MTMR10: variants seen among roughly 807,000 people sequenced by gnomAD.
MTMR10 encodes the protein myotubularin-related protein 10.
A neutral mutation model predicts 88.1 loss-of-function variants in MTMR10; 56 were observed. The observed-to-expected ratio is 0.64, with a 90% CI of 0.51 to 0.79. MTMR10 has a LOEUF of 0.79. MTMR10 is among the 30% of genes least tolerant of loss of function. The pLI is 0.00. For missense variants in MTMR10, 883 were observed against 924.7 expected (o/e 0.95, Z 0.58); for synonymous variants, 380 against 340.9 (o/e 1.11, Z -1.26).
chr15:30,948,240 T>G, intron 13 of MTMR10, 62 bp downstream of exon 13: 1 of 1,461,662 alleles, frequency 6.8e-7, no homozygotes, highest in East Asian at 2.3e-5. Flanking sequence ...CATCTTTTAA[T>G]GACACAAATT....
At chr15:30,948,755 C>A in intron 12 of MTMR10, 1 of 466,512 alleles carries the variant, frequency 2.1e-6, no homozygotes, top group Non-Finnish European at 3.8e-6. Context: ...GGTAGAAAAT[C>A]CGTCTAGACT....
chr15:30,926,231 C>A, the MTMR10 span, among the ~76,000 whole-genome samples: 1 of 152,224 alleles, frequency 6.6e-6, no homozygotes, highest in Non-Finnish European at 1.5e-5. Flanking sequence ...ACAGTGTGCT[C>A]AACCCCACGG....
intron 13 of MTMR10, among the ~76,000 whole-genome samples, chr15:30,947,703 A>G (rs975076825): frequency 2.0e-5 from 3 of 152,164 alleles, no homozygotes; most frequent in African/African-American, 7.2e-5. Context: ...AAACATCCCC[A>G]TATTTCAGAA....
chr15:30,919,735 A>AT, the MTMR10 span, among the ~76,000 whole-genome samples: 1 of 151,758 alleles, frequency 6.6e-6, no homozygotes, highest in African/African-American at 2.4e-5. Flanking sequence ...GAGAAAACAT[A>AT]TTTACTGTTC....
At chr15:30,973,066 G>A (rs1270259000) in intron 5 of MTMR10, among the ~76,000 whole-genome samples, 1 of 152,086 alleles carries the variant, frequency 6.6e-6, no homozygotes, top group East Asian at 1.9e-4. Context: ...ATAAGCTTGA[G>A]GAATTAACCT....
chr15:30,974,380 A>C lies in MTMR10; in HGVS notation c.408T>G (p.Ile136Met), dbSNP rs764436221. The C allele has an allele frequency of 1.9e-5, 30 of 1,609,076 alleles. No homozygotes were observed. The Admixed American group carries it at 5.0e-4, about 27-fold the overall frequency. The stretch of plus-strand genomic sequence containing the variant: ...TGACAATTCTGAAATCTTTACAATA[A>C]ATAATTAACTCTGTTGGATTAAATT... Reference protein sequence around the residue: ...KLKFNPTELIIYCKDFRIVRF... With the variant: ...KLKFNPTELIMYCKDFRIVRF... The change falls in exon 5 of 16, where the codon ATT (isoleucine) becomes ATG (methionine). Residue 136 changes from isoleucine (I) to methionine (M), a missense_variant. Around this residue, in one of 3 missense-constraint regions of MTMR10, gnomAD observed 414 missense variants for 423.2 expected, o/e 0.98. Transcript: ENST00000435680.
At chr15:30,952,073 C>G (rs943087406) in intron 11 of MTMR10, 35 bp from the exon 12 acceptor site, 14 of 1,525,196 alleles carry the variant, frequency 9.2e-6, no homozygotes, top group Admixed American at 3.4e-5. Flanking sequence ...TGTTAAAAAT[C>G]AAATTTCCAC....
At chr15:30,956,019 T>C (rs1173176584) in intron 9 of MTMR10, among the ~76,000 whole-genome samples, 5 of 145,982 alleles carry the variant, frequency 3.4e-5, no homozygotes, top group African/African-American at 1.0e-4. Flanking sequence ...TTTTCCTGAA[T>C]AGAAAAAGTA....
chr15:30,937,474 C>T (rs1364569032), downstream of MTMR10, among the ~76,000 whole-genome samples: 4 of 111,582 alleles, frequency 3.6e-5, no homozygotes, highest in East Asian at 8.3e-4. Context: ...TTTTTTGAGA[C>T]AGAGTCTCGC....
intron 5 of MTMR10, among the ~76,000 whole-genome samples, chr15:30,968,577 A>ACACACACACACACACACACAC (rs1566960338): frequency 4.7e-5 from 7 of 149,288 alleles, no homozygotes; most frequent in African/African-American, 1.7e-4. Flanking sequence ...ACACACACAC[A>ACACACACACACACACACACAC]AACTGTGTTT....
downstream of MTMR10, chr15:30,937,288 A>G (rs1208089815): frequency 1.9e-6 from 3 of 1,582,030 alleles, no homozygotes; most frequent in African/African-American, 2.7e-5. Context: ...TTGGTCATAC[A>G]TTAATGTAAG....
chr15:30,981,299 A>C (rs1566968213), intron 2 of MTMR10, among the ~76,000 whole-genome samples: 1 of 152,264 alleles, frequency 6.6e-6, no homozygotes, highest in Non-Finnish European at 1.5e-5. Context: ...GTTTCTAACA[A>C]ACAGTACAGA....
chr15:30,922,966 C>T, the MTMR10 span, among the ~76,000 whole-genome samples: 2 of 152,224 alleles, frequency 1.3e-5, no homozygotes, highest in Non-Finnish European at 2.9e-5. Context: ...AGAGCCTGTG[C>T]CTGTGGGCTA....
chr15:30,925,794 C>T, the MTMR10 span: 1 of 1,614,118 alleles, frequency 6.2e-7, no homozygotes. Context: ...TTCAGGTGAC[C>T]ATCACAGGCA....
chr15:30,959,365 G>A (rs2063370783), intron 7 of MTMR10, among the ~76,000 whole-genome samples: 1 of 152,138 alleles, frequency 6.6e-6, no homozygotes, highest in Admixed American at 6.5e-5. Flanking sequence ...GAAGGTATTA[G>A]AAATATTTTC....
chr15:30,947,899 G>A (rs1021240792), intron 13 of MTMR10, among the ~76,000 whole-genome samples: 5 of 152,162 alleles, frequency 3.3e-5, no homozygotes, highest in Middle Eastern at 3.2e-3. Context: ...CTAGAGATCC[G>A]AGGCAGCCAC....
intron 2 of MTMR10, among the ~76,000 whole-genome samples, chr15:30,981,028 A>G (rs2030535383): frequency 6.6e-6 from 1 of 152,274 alleles, no homozygotes; most frequent in Non-Finnish European, 1.5e-5. Context: ...ACATTACAGT[A>G]AAGATCAAGA....
chr15:30,930,020 T>A, the MTMR10 span, among the ~76,000 whole-genome samples: 1 of 137,002 alleles, frequency 7.3e-6, no homozygotes, highest in African/African-American at 2.7e-5. Flanking sequence ...ATAAAATATA[T>A]AATAATATAT....
At chr15:30,951,827 C>T in intron 12 of MTMR10, 141 bp downstream of exon 12, 1 of 722,254 alleles carries the variant, frequency 1.4e-6, no homozygotes, top group East Asian at 2.7e-5. Flanking sequence ...AAATGATGTG[C>T]AAAATCTGTA....
Sources: allele counts gnomAD v4.1 joint callset (sites outside exome capture counted in the v4.1 genomes callset), GRCh38; gene constraint gnomAD v4.1.1; regional missense constraint gnomAD v4.1.1; transcripts MANE v1.5; gene names NCBI Gene and HGNC (gene_info 2026-07-23, HGNC 2026-07-21).